Variants in IFT43 observed in about 807,000 individuals in gnomAD.
IFT43 encodes intraflagellar transport 43.
A neutral mutation model predicts 32.3 loss-of-function variants in IFT43; 33 were observed. That is an observed-to-expected ratio of 1.02 (90% CI 0.77 to 1.37). The LOEUF (loss-of-function observed/expected upper bound fraction) is 1.37. Among genes scored for constraint, IFT43 ranks in the 40% most tolerant of loss-of-function variants. IFT43 has a pLI of 0.00. For synonymous variants in IFT43, 93 were observed against 98.2 expected (o/e 0.95, Z 0.31); for missense variants, 274 against 265.9 (o/e 1.03, Z -0.21).
intron 3 of IFT43, among the ~76,000 whole-genome samples, chr14:76,044,863 C>T (rs1464687641): frequency 1.3e-5 from 2 of 152,202 alleles, no homozygotes; most frequent in African/African-American, 2.4e-5. Context: ...CTTCCTCCTC[C>T]TCCTGATCCA....
chr14:76,026,111 C>T (rs1035304925), intron 3 of IFT43, among the ~76,000 whole-genome samples: 2 of 151,892 alleles, frequency 1.3e-5, no homozygotes, highest in African/African-American at 4.8e-5. Context: ...AAAAAAAATC[C>T]CACTAAAAAA....
chr14:76,020,823 G>A (rs1415629036), intron 2 of IFT43, among the ~76,000 whole-genome samples: 2 of 152,066 alleles, frequency 1.3e-5, no homozygotes, highest in Non-Finnish European at 2.9e-5. Context: ...GTGGATCTGG[G>A]CAGGTCAGTC....
rs1312184138 is a variant in IFT43, at chr14:76,008,090, G to A, written c.148-14237G>A. Reference sequence around the variant, plus strand: ...TTATGTGTGAACATTTGGGAAGTGCGACACCAGTAGAGCATTTGCCAAACA... The same window carrying A: ...TTATGTGTGAACATTTGGGAAGTGCAACACCAGTAGAGCATTTGCCAAACA... On this transcript the variant is annotated intron_variant, in intron 2 of 8. Coordinates refer to ENST00000314067, the MANE Select transcript of IFT43 (RefSeq NM_001102564.3). Among the ~76,000 whole-genome samples, 5 of 152,232 alleles carry A rather than the reference G, an allele frequency of 3.3e-5. 1 individual carries two copies. The highest frequency in any genetic ancestry group is 7.2e-5 in the African/African-American group (3 of 41,534).
chr14:76,010,112 C>G (rs2036055564), intron 2 of IFT43, among the ~76,000 whole-genome samples: 1 of 152,128 alleles, frequency 6.6e-6, no homozygotes, highest in Admixed American at 6.5e-5. Flanking sequence ...TCTTCTACCA[C>G]ATTGTTTTCT....
At chr14:76,056,788 A>T (rs1566728411) in intron 3 of IFT43, among the ~76,000 whole-genome samples, 1 of 152,218 alleles carries the variant, frequency 6.6e-6, no homozygotes, top group Admixed American at 6.5e-5. Flanking sequence ...GGACGGCGTG[A>T]ACTGGGAAGA....
At chr14:75,988,668 G>A (rs528616742) in intron 1 of IFT43, among the ~76,000 whole-genome samples, 20 of 152,244 alleles carry the variant, frequency 1.3e-4, no homozygotes, top group South Asian at 4.1e-4. Context: ...ACAGGCGCCC[G>A]CCACAACGCC....
chr14:76,083,157 T>A, intron 7 of IFT43, 70 bp from the exon 8 acceptor site: 3 of 1,563,308 alleles, frequency 1.9e-6, no homozygotes, highest in Non-Finnish European at 2.6e-6. Context: ...CTGATCCCGG[T>A]TTTGTGAGAA....
intron 3 of IFT43, among the ~76,000 whole-genome samples, chr14:76,055,501 G>T (rs572249893): frequency 6.6e-6 from 1 of 152,214 alleles, no homozygotes; most frequent in Admixed American, 6.5e-5. Flanking sequence ...AAAGATGAAA[G>T]AAAAATTTTA....
intron 3 of IFT43, among the ~76,000 whole-genome samples, chr14:76,056,200 A>G (rs867366343): frequency 6.6e-6 from 1 of 152,224 alleles, no homozygotes; most frequent in Non-Finnish European, 1.5e-5. Context: ...AGGGCGCACC[A>G]TCCCACTCAG....
At chr14:76,030,266 T>C (rs528395009) in intron 3 of IFT43, among the ~76,000 whole-genome samples, 7 of 152,306 alleles carry the variant, frequency 4.6e-5, no homozygotes, top group African/African-American at 1.7e-4. Context: ...TGATTATTAG[T>C]GCTCAGATTG....
rs1326251072 is a variant in IFT43 at position 76,083,706 on chromosome 14, G to C, written c.*129G>C. Reference sequence around the variant, plus strand: ...TATTTATATTCAGTCAACCACATTGGATAATTCAATTGCAATAAATTGCTT... The same window carrying C: ...TATTTATATTCAGTCAACCACATTGCATAATTCAATTGCAATAAATTGCTT... On this transcript the variant is annotated 3_prime_UTR_variant, in exon 9 of 9. Transcript: ENST00000314067. 2.2e-6 allele frequency: 2 copies of C among 893,664 alleles called. No individual in the cohort carries two copies. The highest frequency in any genetic ancestry group is 3.3e-5 in the African/African-American group (2 of 60,364). 55.4% of individuals were successfully genotyped at this position (893,664 alleles called of 1,614,324 possible).
chr14:76,026,552 C>CAA (rs58799745), intron 3 of IFT43, among the ~76,000 whole-genome samples: 1,052 of 84,388 alleles, frequency 0.012, 18 homozygotes, highest in African/African-American at 0.031. Context: ...GAGTGAAACT[C>CAA]AAAAAAAAAA....
At position 75,988,997 on chromosome 14, in the gene IFT43, A is replaced by C. The variant is rs1271052587; in HGVS notation, c.147+20A>C. 18 of 1,612,868 alleles carry C rather than the reference A, an allele frequency of 1.1e-5. No individual in the cohort carries two copies. Among genetic ancestry groups the C allele is most frequent in the Non-Finnish European group, 1.5e-5 (18 of 1,179,424 alleles). ...GGAGAGGTGGGTGCTAAAAAAAAAG[A>C]AAATCTGAAGAAATACTGTTTAAGA... On this transcript the variant is annotated intron_variant, in intron 2 of 8. Coordinates refer to ENST00000314067, the MANE Select transcript of IFT43 (RefSeq NM_001102564.3).
At chr14:76,021,824 A>G (rs2036296788) in intron 2 of IFT43, among the ~76,000 whole-genome samples, 1 of 152,252 alleles carries the variant, frequency 6.6e-6, no homozygotes, top group Admixed American at 6.5e-5. Context: ...GTGCCAATTT[A>G]TGACTCACCG....
intron 2 of IFT43, among the ~76,000 whole-genome samples, chr14:75,993,263 G>T (rs1286277904): frequency 6.6e-6 from 1 of 152,128 alleles, no homozygotes; most frequent in Non-Finnish European, 1.5e-5. Flanking sequence ...TTTAAATTTG[G>T]TTCGCATTTA....
chr14:76,041,021 T>G (rs897537943), intron 3 of IFT43, among the ~76,000 whole-genome samples: 27 of 152,218 alleles, frequency 1.8e-4, no homozygotes, highest in African/African-American at 5.8e-4. Context: ...CAGGGAAGGC[T>G]GTCAAAAGAT....
chr14:75,996,101 G>A (rs182179276), intron 2 of IFT43, among the ~76,000 whole-genome samples: 73 of 152,340 alleles, frequency 4.8e-4, no homozygotes, highest in African/African-American at 1.7e-3. Context: ...GTGAGACCCA[G>A]AGTGCAAGTT....
intron 5 of IFT43, among the ~76,000 whole-genome samples, chr14:76,063,040 G>A (rs2037171438): frequency 6.6e-6 from 1 of 151,724 alleles, no homozygotes; most frequent in African/African-American, 2.4e-5. Context: ...AGCATTTTGA[G>A]AATTGTTTCA....
rs372211486 is a variant in IFT43 at position 76,026,083 on chromosome 14, G to T, written c.215+3689G>T. On this transcript the variant is annotated intron_variant, in intron 3 of 8. Transcript: ENST00000314067. ...AAGTGTAGTATCTAGCATCTATAAA[G>T]AACTTAAATTTACAAGAAAAAAAAA... is the stretch of plus-strand genomic sequence containing the variant. 1.2e-3 allele frequency among the ~76,000 whole-genome samples: 189 copies of T among 151,976 alleles called. 5 individuals carry two copies. In the South Asian group the frequency reaches 0.037, roughly 30 times the overall value.
Sources: allele counts gnomAD v4.1 joint callset (sites outside exome capture counted in the v4.1 genomes callset), GRCh38; gene constraint gnomAD v4.1.1; transcripts MANE v1.5; gene names NCBI Gene and HGNC (gene_info 2026-07-23, HGNC 2026-07-21).